SERF2: variants seen among roughly 807,000 people sequenced by gnomAD.
SERF2 encodes small EDRK-rich factor 2, also known as gastric cancer-related protein VRG107.
In SERF2, 4 loss-of-function variants were observed where a neutral mutation model predicts 10.7. That is an observed-to-expected ratio of 0.37 (90% CI 0.18 to 0.86). The LOEUF (loss-of-function observed/expected upper bound fraction) is 0.86, where lower values mean the gene tolerates loss of function less well. Ranked by LOEUF, SERF2 falls within the 40% of genes least tolerant of loss-of-function variation. The probability of loss-of-function intolerance (pLI) is 0.43; values close to 1 mark genes in which losing one functional copy is unlikely to be tolerated. For missense variants in SERF2, 47 were observed against 79.1 expected, an observed-to-expected ratio of 0.59 and a Z score of 1.54; for synonymous variants, 26 against 26.0, an observed-to-expected ratio of 1.00 and a Z score of 0.01.
At chr15:43,788,475 ATATT>A (rs1250066132), upstream of SERF2, among the ~76,000 whole-genome samples, 2 of 152,020 alleles carry the variant, frequency 1.3e-5, no homozygotes, top group Non-Finnish European at 2.9e-5. Flanking sequence ...TTCTGAGGTA[ATATT>A]TATTTATTTG....
upstream of SERF2, chr15:43,792,089 C>A (rs905037350): frequency 6.7e-5 from 35 of 521,510 alleles, no homozygotes; most frequent in Admixed American, 1.1e-3. Context: ...CCCCAACCTG[C>A]CCACGTGACC....
At chr15:43,780,826 T>C (rs148891344) in intron 1 of SERF2, among the ~76,000 whole-genome samples, 9 of 152,346 alleles carry the variant, frequency 5.9e-5, no homozygotes, top group African/African-American at 1.9e-4. Context: ...ACTGTGGCCA[T>C]AACTTTTGCA....
chr15:43,777,129 T>A, exon 1 of SERF2: 1 of 727,286 alleles, frequency 1.4e-6, no homozygotes, highest in Non-Finnish European at 2.5e-6. Context: ...GGCGCTTTCT[T>A]CTAGGATCCG....
At chr15:43,790,626 G>C (rs1037020336), upstream of SERF2, among the ~76,000 whole-genome samples, 1 of 151,886 alleles carries the variant, frequency 6.6e-6, no homozygotes, top group Non-Finnish European at 1.5e-5. Flanking sequence ...AAAATTAGCC[G>C]GGCATGATGG....
chr15:43,795,107 A>G lies in SERF2; in HGVS notation c.*1334A>G, dbSNP rs1303054153. 2 of 1,614,082 alleles carry G rather than the reference A, an allele frequency of 1.2e-6. No homozygotes were observed. The highest frequency in any genetic ancestry group is 1.3e-5 in the African/African-American group (1 of 75,028). On this transcript the variant is annotated 3_prime_UTR_variant, in exon 3 of 3. Coordinates refer to ENST00000249786, the MANE Select transcript of SERF2 (RefSeq NM_001018108.4). ...GGGGGCCAACAGAGTGGTGCCAGTAACAGCCCCAGATAGAGGAGTACGCAG... is the reference window on the plus strand; with the variant it reads ...GGGGGCCAACAGAGTGGTGCCAGTAGCAGCCCCAGATAGAGGAGTACGCAG...
intron 2 of SERF2, among the ~76,000 whole-genome samples, chr15:43,786,185 G>A (rs1378874542): frequency 6.6e-6 from 1 of 151,930 alleles, no homozygotes; most frequent in Non-Finnish European, 1.5e-5. Flanking sequence ...GGAGGCTGAG[G>A]CAGGCAGATC....
intron 1 of SERF2, chr15:43,792,727 A>C: frequency 1.1e-6 from 1 of 911,820 alleles, no homozygotes; most frequent in Non-Finnish European, 1.6e-6. Context: ...TTTGGGCCCC[A>C]CGCCGCCCCA....
chr15:43,787,461 G>A (rs1024547865), upstream of SERF2, among the ~76,000 whole-genome samples: 4 of 152,048 alleles, frequency 2.6e-5, no homozygotes, highest in African/African-American at 7.2e-5. Flanking sequence ...GCAATGGTGC[G>A]ATTTCCGCTC....
Position 43,795,653 on chromosome 15 carries a change from C to A in SERF2, c.*1880C>A, listed in dbSNP as rs774611552. ...GGTTCTTATGGCACTCCACAGAGAT[C>A]TACCACTTCTTATGGTTCCTCACTT... is the stretch of plus-strand genomic sequence containing the variant. On this transcript the variant is annotated 3_prime_UTR_variant, in exon 3 of 3. Transcript: ENST00000249786. 3.1e-6 allele frequency: 5 copies of A among 1,611,984 alleles called. No homozygotes were observed. Among genetic ancestry groups the A allele is most frequent in the African/African-American group, 1.3e-5 (1 of 74,656 alleles).
rs143513498 is a variant in SERF2, at chr15:43,795,181, A to G, written c.*1408A>G. The G allele has an allele frequency of 9.9e-6, 16 of 1,614,024 alleles. No homozygotes were observed. The African/African-American group carries it at 2.1e-4, about 22-fold the overall frequency. ...CCAGAAGGTGGCCCAGCTACCCTTG[A>G]TGAAGGTCTTTTCCAGTTCTGCTCC... On this transcript the variant is annotated 3_prime_UTR_variant, in exon 3 of 3. Transcript: ENST00000249786.
At chr15:43,792,106 A>C, upstream of SERF2, 5 of 535,548 alleles carry the variant, frequency 9.3e-6, no homozygotes, top group Non-Finnish European at 1.7e-5. Flanking sequence ...GACCCGGCCT[A>C]GTTTCTCCAG....
At chr15:43,793,355 CA>C in intron 2 of SERF2, 1 of 582,786 alleles carries the variant, frequency 1.7e-6, no homozygotes, top group Non-Finnish European at 3.0e-6. Context: ...CTTCACATTT[CA>C]AATACAGTTG....
Position 43,794,969 on chromosome 15 carries a change from T to C in SERF2, c.*1196T>C, listed in dbSNP as rs187951529. ...CCTTGAGCCAACTCTAGGAGTACAA[T>C]GTCAGGGGAACCCCAGTTTGTGAAA... On this transcript the variant is annotated 3_prime_UTR_variant, in exon 3 of 3. Transcript: ENST00000249786. 6.8e-4 allele frequency: 1,055 copies of C among 1,558,884 alleles called. No homozygotes were observed. Among genetic ancestry groups the C allele is most frequent in the Admixed American group, 2.3e-3 (132 of 58,072 alleles).
chr15:43,781,741 C>G (rs893107891), intron 1 of SERF2, among the ~76,000 whole-genome samples: 2 of 151,626 alleles, frequency 1.3e-5, no homozygotes, highest in East Asian at 3.9e-4. Context: ...GCCACCATGC[C>G]TGGCTGATTT....
intron 1 of SERF2, 30 bp from the exon 2 acceptor site, chr15:43,792,945 C>T: frequency 6.6e-7 from 1 of 1,514,098 alleles, no homozygotes; most frequent in Non-Finnish European, 9.0e-7. Flanking sequence ...GAGCGGCCCC[C>T]GCGTCTCACC....
In SERF2 at chr15:43,795,336, C is replaced by G. The variant is rs982950512; in HGVS notation, c.*1563C>G. ...CTGGAATGGCCTTGAATTGCTCTTTCCTTAAAATAGCTAGCTCTTCAGGAG... is the reference window on the plus strand; with the variant it reads ...CTGGAATGGCCTTGAATTGCTCTTTGCTTAAAATAGCTAGCTCTTCAGGAG... On this transcript the variant is annotated 3_prime_UTR_variant, in exon 3 of 3. Coordinates refer to ENST00000249786, the MANE Select transcript of SERF2 (RefSeq NM_001018108.4). 19 of 1,608,654 alleles carry G rather than the reference C, an allele frequency of 1.2e-5. No homozygotes were observed. The highest frequency in any genetic ancestry group is 1.6e-5 in the Non-Finnish European group (19 of 1,175,504).
At chr15:43,788,796 C>T (rs542115089), upstream of SERF2, among the ~76,000 whole-genome samples, 1 of 152,264 alleles carries the variant, frequency 6.6e-6, no homozygotes, top group African/African-American at 2.4e-5. Flanking sequence ...GCCGAGGTTT[C>T]TAAATCAGTA....
rs956942956 is a variant in SERF2 at position 43,778,736 on chromosome 15, C to T, written c.-527+1234C>T. Reference sequence around the variant, plus strand: ...GCAACATGGTGAAACCCTGTCTCTACTAAAACTACAAAAAAATTAACCAGG... The same window carrying T: ...GCAACATGGTGAAACCCTGTCTCTATTAAAACTACAAAAAAATTAACCAGG... On this transcript the variant is annotated intron_variant, in intron 1 of 4. Transcript: ENST00000381359. Among the ~76,000 whole-genome samples the T allele has an allele frequency of 9.8e-4, 149 of 151,428 alleles. 3 individuals carry two copies. Among genetic ancestry groups the T allele is most frequent in the Non-Finnish European group, 1.3e-4 (9 of 67,904 alleles).
Position 43,795,020 on chromosome 15 carries a change from T to C in SERF2, c.*1247T>C, listed in dbSNP as rs1567169904. ...AGGACTTAGACTGGAGGATATTTGT[T>C]ATCTGGGGATATGATGCGGTGGCGG... On this transcript the variant is annotated 3_prime_UTR_variant, in exon 3 of 3. Transcript: ENST00000249786. 6.2e-7 allele frequency: 1 copy of C among 1,611,592 alleles called. No homozygotes were observed. The highest frequency in any genetic ancestry group is 8.5e-7 in the Non-Finnish European group (1 of 1,179,672).
Sources: allele counts gnomAD v4.1 joint callset (sites outside exome capture counted in the v4.1 genomes callset), GRCh38; gene constraint gnomAD v4.1.1; transcripts MANE v1.5; gene names NCBI Gene and HGNC (gene_info 2026-07-23, HGNC 2026-07-21).